The following ZNF91 variants were observed in gnomAD, a reference collection of about 807,000 sequenced individuals.
The protein encoded by ZNF91 is zinc finger protein 91.
A neutral mutation model predicts 12.6 loss-of-function variants in ZNF91; 7 were observed. The observed-to-expected ratio is 0.55, with a 90% CI of 0.31 to 1.04. ZNF91 has a LOEUF of 1.04. Among genes scored for constraint, ZNF91 ranks in the 50% least tolerant of loss-of-function variants. ZNF91 has a pLI of 0.05. For missense variants in ZNF91, 1,217 were observed against 1,385.4 expected (o/e 0.88, Z 1.93); for synonymous variants, 453 against 462.6 (o/e 0.98, Z 0.27).
intron 1 of ZNF91, among the ~76,000 whole-genome samples, chr19:23,391,759 C>T (rs952343584): frequency 6.6e-6 from 1 of 152,062 alleles, no homozygotes; most frequent in Non-Finnish European, 1.5e-5. Flanking sequence ...GGGCTTCTTC[C>T]ATAGCTGAGG....
exon 4 of ZNF91, chr19:23,338,997 A>G (rs1257813967): frequency 1.3e-5 from 2 of 151,618 alleles, no homozygotes. Context: ...GGTTGCAGTG[A>G]GCAGTGGGAC....
intron 1 of ZNF91, among the ~76,000 whole-genome samples, chr19:23,384,339 C>T (rs1298385571): frequency 6.6e-6 from 1 of 152,100 alleles, no homozygotes; most frequent in Non-Finnish European, 1.5e-5. Context: ...GGGCAGTGCA[C>T]TCAGGTGGCC....
chr19:23,310,687 C>T (rs143524982), upstream of ZNF91: 4 of 152,312 alleles, frequency 2.6e-5, no homozygotes, highest in East Asian at 7.8e-4. Context: ...TGACATATCA[C>T]TGAACCCAGT....
rs557374332 is a variant in ZNF91, at chr19:23,386,390, C to T, written c.30+8935G>A. Among the ~76,000 whole-genome samples the T allele has an allele frequency of 5.0e-4, 76 of 152,254 alleles. No individual in the cohort carries two copies. In the South Asian group the frequency reaches 0.012, roughly 23 times the overall value. ...CAAAACAACAAAGCTGAAGGCATTA[C>T]ATTACCTGTTTTCAAATTATACTGC... On this transcript the variant is annotated intron_variant, in intron 1 of 3. Transcript: ENST00000300619.
intron 1 of ZNF91, among the ~76,000 whole-genome samples, chr19:23,375,157 C>T (rs1969459549): frequency 6.6e-6 from 1 of 151,658 alleles, no homozygotes; most frequent in African/African-American, 2.4e-5. Context: ...GAAGGTACCA[C>T]TCAAAATTTT....
rs1599756504 is a variant in ZNF91, at chr19:23,385,198, C to T, written c.30+10127G>A. 1.4e-4 allele frequency: 93 copies of T among 647,330 alleles called. No individual in the cohort carries two copies. In the East Asian group the frequency reaches 2.4e-3, roughly 16 times the overall value. 40.1% of individuals were successfully genotyped at this position (647,330 alleles called of 1,614,324 possible). A position where few individuals can be genotyped will look rare whatever the true frequency, so the allele number is the denominator to read the frequency against. ...GGGAAAGACTAAGTCAGAGGAGTCC[C>T]TCTCTGATCTTACAGGTTCCCTCCT... On this transcript the variant is annotated intron_variant, in intron 1 of 3. Transcript: ENST00000300619.
chr19:23,323,237 CCT>C (rs1967749186), intron 1 of ZNF91, among the ~76,000 whole-genome samples: 1 of 147,330 alleles, frequency 6.8e-6, no homozygotes, highest in East Asian at 2.1e-4. Flanking sequence ...TCCTTCTTCT[CCT>C]CTCCTTTCTC....
downstream of ZNF91, among the ~76,000 whole-genome samples, chr19:23,356,505 T>A (rs1019801118): frequency 6.6e-6 from 1 of 152,198 alleles, no homozygotes; most frequent in African/African-American, 2.4e-5. Flanking sequence ...AAATATCGTA[T>A]GTTCTCACTG....
chr19:23,376,740 A>T (rs189100973), intron 1 of ZNF91, among the ~76,000 whole-genome samples: 1 of 152,292 alleles, frequency 6.6e-6, no homozygotes, highest in Non-Finnish European at 1.5e-5. Context: ...GGGAGAAAAA[A>T]TACAGGTACA....
intron 1 of ZNF91, among the ~76,000 whole-genome samples, chr19:23,331,709 T>C (rs1268869422): frequency 1.3e-5 from 2 of 152,244 alleles, no homozygotes; most frequent in African/African-American, 2.4e-5. Flanking sequence ...TACTCTGTTC[T>C]GCACTGGAGA....
rs1275798512 is a variant in ZNF91, at chr19:23,359,913, G to A, written c.3066C>T (p.Tyr1022=). ...HTRMHTGEKP[Y]KCEECGKAFN... Reference sequence around the variant, plus strand: ...AAGCTTTGCCACATTCTTCACATTTGTATGGTTTCTCTCCAGTGTGCATCC... The same window carrying A: ...AAGCTTTGCCACATTCTTCACATTTATATGGTTTCTCTCCAGTGTGCATCC... The change falls in exon 4 of 4, where the codon TAC becomes TAT. Residue 1022 remains tyrosine, a synonymous_variant. Coordinates refer to ENST00000300619, the MANE Select transcript of ZNF91 (RefSeq NM_003430.4). 2 of 1,584,838 alleles carry A rather than the reference G, an allele frequency of 1.3e-6. No individual in the cohort carries two copies. Among genetic ancestry groups the A allele is most frequent in the Admixed American group, 3.4e-5 (2 of 58,758 alleles).
chr19:23,360,450 T>A lies in ZNF91; in HGVS notation c.2529A>T (p.Lys843Asn), dbSNP rs757426970. The change falls in exon 4 of 4, where the codon AAA becomes AAT. Residue 843 changes from lysine (K) to asparagine (N), a missense_variant. Physicochemically the swap from Lys to Asn is moderately conservative, Grantham distance 94 (BLOSUM62 0). Coordinates refer to ENST00000300619, the MANE Select transcript of ZNF91 (RefSeq NM_003430.4). ...TCTCTCCAGCATGTATTATTTTATG[T>A]TTAGCAAGGGCTGAGGAGTGCTTAA... The part of the protein sequence containing the change: ...KAFKHSSALA[K>N]HKIIHAGEKL... 8.1e-6 allele frequency: 13 copies of A among 1,614,036 alleles called. No individual in the cohort carries two copies. The highest frequency in any genetic ancestry group is 8.5e-6 in the Non-Finnish European group (10 of 1,179,980).
At chr19:23,333,313 A>T (rs1967956073) in intron 1 of ZNF91, among the ~76,000 whole-genome samples, 1 of 152,230 alleles carries the variant, frequency 6.6e-6, no homozygotes, top group Admixed American at 6.5e-5. Context: ...TAGAAACTCA[A>T]GGTTTTGCCT....
chr19:23,358,714 G>A lies in ZNF91; in HGVS notation c.*689C>T, dbSNP rs1458627034. 6.3e-6 allele frequency: 1 copy of A among 158,328 alleles called. No individual in the cohort carries two copies. Among genetic ancestry groups the A allele is most frequent in the Non-Finnish European group, 1.4e-5 (1 of 71,546 alleles). 9.8% of individuals were successfully genotyped at this position (158,328 alleles called of 1,614,324 possible). On this transcript the variant is annotated 3_prime_UTR_variant, in exon 4 of 4. Coordinates refer to ENST00000300619, the MANE Select transcript of ZNF91 (RefSeq NM_003430.4). ...TTGTTCACACTGGTAGTTTTCTCCA[G>A]TATGAATTATCTTACCTACGATCAA...
intron 1 of ZNF91, among the ~76,000 whole-genome samples, chr19:23,392,780 CAG>C (rs748280773): frequency 8.5e-5 from 13 of 152,164 alleles, no homozygotes; most frequent in Non-Finnish European, 1.6e-4. Context: ...GCCTGGGCGA[CAG>C]AGCAAGATTT....
intron 1 of ZNF91, among the ~76,000 whole-genome samples, chr19:23,331,115 C>T (rs1487925640): frequency 6.6e-6 from 1 of 152,136 alleles, no homozygotes; most frequent in African/African-American, 2.4e-5. Flanking sequence ...TGTGTATTTG[C>T]ACTGTTATAG....
chr19:23,309,951 T>C (rs1452394531), intron 1 of ZNF91, among the ~76,000 whole-genome samples: 1 of 152,182 alleles, frequency 6.6e-6, no homozygotes, highest in African/African-American at 2.4e-5. Flanking sequence ...ATCTCACACA[T>C]GGATGCAGTC....
intron 3 of ZNF91, among the ~76,000 whole-genome samples, chr19:23,345,246 C>T (rs1016146693): frequency 2.6e-5 from 4 of 152,152 alleles, no homozygotes; most frequent in Admixed American, 1.3e-4. Flanking sequence ...AGCCTAACCT[C>T]GGTTATGGGA....
At chr19:23,338,246 T>G (rs1968052561), downstream of ZNF91, 1 of 151,958 alleles carries the variant, frequency 6.6e-6, no homozygotes, top group Non-Finnish European at 1.5e-5. Flanking sequence ...GTGAAGGAAG[T>G]AATTCTAAAA....
Sources: gnomAD v4.1 joint callset for allele counts (sites outside exome capture counted in the v4.1 genomes callset) on GRCh38, gnomAD v4.1.1 for gene constraint, MANE v1.5 for transcripts, NCBI Gene and HGNC (gene_info 2026-07-23, HGNC 2026-07-21) for gene names.